The following KAZN variants were observed in gnomAD, a reference collection of about 807,000 sequenced individuals.
The protein encoded by KAZN is kazrin, periplakin interacting protein, also known as kazrin.
Under a neutral mutation model 87.4 loss-of-function variants are expected in KAZN, and 40 were observed. That is an observed-to-expected ratio of 0.46 (90% CI 0.36 to 0.60). The LOEUF is 0.60. KAZN is among the 20% of genes least tolerant of loss of function. KAZN has a pLI of 0.00. For missense variants in KAZN, 898 were observed against 1,073.9 expected (o/e 0.84, Z 2.29); for synonymous variants, 466 against 458.3 (o/e 1.02, Z -0.22).
At chr1:14,750,398 C>T (rs1211661860) in intron 1 of KAZN, among the ~76,000 whole-genome samples, 4 of 152,122 alleles carry the variant, frequency 2.6e-5, no homozygotes, top group Admixed American at 6.5e-5. Flanking sequence ...CAATTTTTTA[C>T]CTGACTTAAC....
chr1:14,953,711 A>T (rs527388261), intron 1 of KAZN, among the ~76,000 whole-genome samples: 1 of 152,296 alleles, frequency 6.6e-6, no homozygotes, highest in East Asian at 1.9e-4. Context: ...TGGATTTACA[A>T]ACCTACGATT....
intron 2 of KAZN, among the ~76,000 whole-genome samples, chr1:14,418,016 AAAAAAAAAAAAAAAAAAAAAAAAAAAAAC>A (rs1664959250): frequency 1.1e-5 from 1 of 91,872 alleles, no homozygotes; most frequent in African/African-American, 4.5e-5. Context: ...AAAAAAAAAA[AAAAAAAAAAAAAAAAAAAAAAAAAAAAAC>A]CTACATCGAA....
intron 2 of KAZN, among the ~76,000 whole-genome samples, chr1:14,207,301 GA>G (rs1646766745): frequency 6.6e-6 from 1 of 152,058 alleles, no homozygotes; most frequent in Admixed American, 6.6e-5. Flanking sequence ...TTGCTCGGGT[GA>G]TGTTAGGAGG....
chr1:14,645,655 A>G (rs762257881), intron 1 of KAZN, among the ~76,000 whole-genome samples: 9 of 152,178 alleles, frequency 5.9e-5, no homozygotes, highest in African/African-American at 1.2e-4. Context: ...GGCCAAGACT[A>G]TGGTGTTTTC....
At chr1:14,974,100 A>G (rs1379968121) in intron 2 of KAZN, among the ~76,000 whole-genome samples, 2 of 151,968 alleles carry the variant, frequency 1.3e-5, no homozygotes, top group Non-Finnish European at 2.9e-5. Flanking sequence ...CCACATGCCC[A>G]TTTGCAGCCC....
chr1:14,159,950 G>A (rs1263747092), intron 1 of KAZN, among the ~76,000 whole-genome samples: 1 of 152,166 alleles, frequency 6.6e-6, no homozygotes, highest in Non-Finnish European at 1.5e-5. Flanking sequence ...TACCTTATTT[G>A]CTGTGGCTGA....
intron 1 of KAZN, among the ~76,000 whole-genome samples, chr1:14,841,635 A>C (rs1648030239): frequency 1.3e-5 from 2 of 152,188 alleles, no homozygotes; most frequent in Admixed American, 1.3e-4. Context: ...CTCTGCACCC[A>C]GTGACGTCAC....
chr1:14,094,641 TATC>T (rs1301173244), intron 1 of KAZN, among the ~76,000 whole-genome samples: 4 of 152,184 alleles, frequency 2.6e-5, no homozygotes, highest in Non-Finnish European at 5.9e-5. Context: ...TAATATCACT[TATC>T]ATTTTAAAAC....
At chr1:14,074,851 C>T (rs1214571759) in intron 1 of KAZN, among the ~76,000 whole-genome samples, 1 of 152,158 alleles carries the variant, frequency 6.6e-6, no homozygotes, top group African/African-American at 2.4e-5. Flanking sequence ...TCTCTCTGGG[C>T]CTCGATTTTA....
Position 14,924,631 on chromosome 1 carries a change from G to C in KAZN, c.227-36053G>C, listed in dbSNP as rs1256079733. 9 of 940,702 alleles carry C rather than the reference G, an allele frequency of 9.6e-6. No individual in the cohort carries two copies. The South Asian group carries it at 3.8e-4, about 40-fold the overall frequency. The allele number at this position is 940,702 out of a possible 1,614,324, so 58.3% of individuals were successfully genotyped here. A position where few individuals can be genotyped will look rare whatever the true frequency, so the allele number is the denominator to read the frequency against. On this transcript the variant is annotated intron_variant, in intron 1 of 14. Coordinates refer to ENST00000376030, the MANE Select transcript of KAZN (RefSeq NM_201628.3). ...CGCGGACACAGGCCCAGGAGCCGCC[G>C]GGGCCGGGCGCGCGAGGGCGCTCGG...
chr1:15,035,646 G>A (rs566578110), intron 3 of KAZN, among the ~76,000 whole-genome samples: 6 of 152,214 alleles, frequency 3.9e-5, no homozygotes, highest in East Asian at 1.9e-4. Flanking sequence ...ACAAGAATTC[G>A]AGACCAGCCT....
chr1:14,502,869 C>T (rs1270861434), intron 2 of KAZN, among the ~76,000 whole-genome samples: 7 of 152,156 alleles, frequency 4.6e-5, no homozygotes, highest in Admixed American at 3.9e-4. Flanking sequence ...TTTATGAACA[C>T]CCTTCAGAGA....
chr1:14,436,770 T>C (rs185729905), intron 2 of KAZN, among the ~76,000 whole-genome samples: 14 of 147,620 alleles, frequency 9.5e-5, no homozygotes, highest in African/African-American at 3.2e-4. Context: ...TAGTTACTAG[T>C]ATTATTCCCA....
At chr1:14,745,418 G>A (rs1287734410) in intron 1 of KAZN, among the ~76,000 whole-genome samples, 2 of 152,172 alleles carry the variant, frequency 1.3e-5, no homozygotes, top group Non-Finnish European at 2.9e-5. Context: ...TTTTTTCTCT[G>A]CTGGTTGCAA....
At chr1:14,056,220 A>G (rs999606623) in intron 1 of KAZN, among the ~76,000 whole-genome samples, 2 of 152,222 alleles carry the variant, frequency 1.3e-5, no homozygotes, top group African/African-American at 2.4e-5. Flanking sequence ...TGAATATGCT[A>G]CTTTACATGG....
chr1:14,861,659 G>A (rs1210842064), intron 1 of KAZN, among the ~76,000 whole-genome samples: 1 of 152,122 alleles, frequency 6.6e-6, no homozygotes, highest in African/African-American at 2.4e-5. Flanking sequence ...CCAGAGGTGG[G>A]CATGGGGCTG....
chr1:15,037,892 C>T (rs1573138045), intron 3 of KAZN, among the ~76,000 whole-genome samples: 1 of 152,006 alleles, frequency 6.6e-6, no homozygotes, highest in African/African-American at 2.4e-5. Flanking sequence ...CTCAGAGGAC[C>T]CAGGAATCAG....
intron 2 of KAZN, among the ~76,000 whole-genome samples, chr1:14,237,528 C>T (rs1277588900): frequency 6.6e-6 from 1 of 152,104 alleles, no homozygotes; most frequent in Non-Finnish European, 1.5e-5. Context: ...GTATCTTTCA[C>T]TTAGGCACAC....
At chr1:14,372,996 G>C (rs1448015939) in intron 2 of KAZN, among the ~76,000 whole-genome samples, 2 of 151,952 alleles carry the variant, frequency 1.3e-5, no homozygotes, top group Non-Finnish European at 2.9e-5. Flanking sequence ...TAACCTGAGA[G>C]GGGCCCCCTG....
Sources: allele counts gnomAD v4.1 joint callset (sites outside exome capture counted in the v4.1 genomes callset), GRCh38; gene constraint gnomAD v4.1.1; transcripts MANE v1.5; gene names NCBI Gene and HGNC (gene_info 2026-07-23, HGNC 2026-07-21).